The following C11orf65 variants were observed in gnomAD, a reference collection of about 807,000 sequenced individuals.
C11orf65 encodes protein MFI.
A neutral mutation model predicts 35.3 loss-of-function variants in C11orf65; 38 were observed. That is an observed-to-expected ratio of 1.08 (90% CI 0.83 to 1.41). The LOEUF (loss-of-function observed/expected upper bound fraction) is 1.41. C11orf65 is among the 40% of genes most tolerant of loss of function. The pLI, the probability that C11orf65 is intolerant of heterozygous loss-of-function variation, is 0.00. For missense variants in C11orf65, 370 were observed against 367.1 expected (o/e 1.01, Z -0.06); for synonymous variants, 105 against 114.4 (o/e 0.92, Z 0.53).
chr11:108,467,205 T>C lies in C11orf65; in HGVS notation c.-10+266A>G, dbSNP rs529536453. On this transcript the variant is annotated intron_variant, in intron 1 of 8. Transcript: ENST00000393084. ...GCGCAGTATGAGCAGTAAGGACTTG[T>C]CAACCAGCCCGACGCAACTTCACCG... Among the ~76,000 whole-genome samples, 5 of 152,108 alleles carry C rather than the reference T, an allele frequency of 3.3e-5. No individual in the cohort carries two copies. In the East Asian group the frequency reaches 9.7e-4, roughly 29 times the overall value.
chr11:108,385,661 G>A (rs1390124792), intron 8 of C11orf65, among the ~76,000 whole-genome samples: 2 of 147,850 alleles, frequency 1.4e-5, no homozygotes, highest in East Asian at 2.0e-4. Flanking sequence ...CAGCCTGGGC[G>A]ACAGAGCAAG....
chr11:108,373,219 G>A (rs900047892), intron 2 of C11orf65, among the ~76,000 whole-genome samples: 3 of 152,172 alleles, frequency 2.0e-5, no homozygotes, highest in African/African-American at 7.2e-5. Context: ...CATTATTCCA[G>A]ATTGACTCAA....
chr11:108,421,338 T>C (rs563813410), intron 3 of C11orf65, among the ~76,000 whole-genome samples: 3 of 152,222 alleles, frequency 2.0e-5, no homozygotes, highest in African/African-American at 7.2e-5. Context: ...TGCAGGTTCC[T>C]CGGGGAACTG....
At chr11:108,422,819 T>C (rs888230661) in intron 3 of C11orf65, among the ~76,000 whole-genome samples, 3 of 150,798 alleles carry the variant, frequency 2.0e-5, no homozygotes, top group Admixed American at 1.3e-4. Context: ...GAGGCGGAGG[T>C]TGCAGTGAGC....
At chr11:108,403,223 C>T (rs1184477366) in intron 6 of C11orf65, among the ~76,000 whole-genome samples, 1 of 152,136 alleles carries the variant, frequency 6.6e-6, no homozygotes. Context: ...CAACAATTGG[C>T]ATGACAGACT....
At chr11:108,348,945 A>G (rs576514784) in intron 2 of C11orf65, among the ~76,000 whole-genome samples, 1 of 152,322 alleles carries the variant, frequency 6.6e-6, no homozygotes, top group African/African-American at 2.4e-5. Context: ...ATCCCCCTGC[A>G]ACTCAGAATG....
rs370253007 is a variant in C11orf65 at position 108,357,456 on chromosome 11, A to G, written c.227-22164T>C. Among the ~76,000 whole-genome samples, 64 of 152,260 alleles carry G rather than the reference A, an allele frequency of 4.2e-4. No homozygotes were observed. The South Asian group carries it at 5.6e-3, about 13-fold the overall frequency. On this transcript the variant is annotated intron_variant, in intron 2 of 3. Transcript: ENST00000524755. The stretch of plus-strand genomic sequence containing the variant: ...GTGGAACCCACCACAGCTCAAGGAG[A>G]CCTGCCTGCCTCTGTAGGCTCCACC...
At chr11:108,346,840 G>T (rs1190450235) in intron 2 of C11orf65, among the ~76,000 whole-genome samples, 1 of 152,088 alleles carries the variant, frequency 6.6e-6, no homozygotes, top group African/African-American at 2.4e-5. Flanking sequence ...TGATTAATTT[G>T]TGTTAAATAT....
intron 2 of C11orf65, among the ~76,000 whole-genome samples, chr11:108,460,189 A>G (rs1181945019): frequency 6.6e-6 from 1 of 152,230 alleles, no homozygotes; most frequent in East Asian, 1.9e-4. Flanking sequence ...GAGGCAAATA[A>G]TGAAGCAACT....
intron 3 of C11orf65, among the ~76,000 whole-genome samples, chr11:108,334,815 C>G (rs929389325): frequency 1.3e-5 from 2 of 152,140 alleles, no homozygotes; most frequent in Non-Finnish European, 2.9e-5. Flanking sequence ...CGAGCGTGAG[C>G]CACCACACCC....
At chr11:108,349,519 C>T (rs146653112) in intron 2 of C11orf65, among the ~76,000 whole-genome samples, 1,885 of 152,176 alleles carry the variant, frequency 0.012, 49 homozygotes, top group African/African-American at 0.042. Flanking sequence ...AAAAATTAGC[C>T]GGGCGAGGTG....
rs771047560 is a variant in C11orf65 at position 108,316,118 on chromosome 11, A to G, written c.641-7047T>C. On this transcript the variant is annotated intron_variant, in intron 6 of 6. Coordinates refer to the C11orf65 transcript ENST00000525729. ...CGCCAGGCAGGAATCATTCAGGTAC[A>G]TTTTTTCCCAGATTTGGTAAAGCCA... 12 of 1,613,000 alleles carry G rather than the reference A, an allele frequency of 7.4e-6. No individual in the cohort carries two copies. In the South Asian group the frequency reaches 1.2e-4, roughly 16 times the overall value.
At chr11:108,363,121 T>G (rs2090985307) in intron 2 of C11orf65, among the ~76,000 whole-genome samples, 1 of 152,232 alleles carries the variant, frequency 6.6e-6, no homozygotes, top group Non-Finnish European at 1.5e-5. Flanking sequence ...ATTTTCCCAG[T>G]GATCTTACCA....
intron 2 of C11orf65, among the ~76,000 whole-genome samples, chr11:108,341,512 T>C (rs1189344287): frequency 2.0e-5 from 3 of 152,160 alleles, no homozygotes; most frequent in Non-Finnish European, 4.4e-5. Context: ...GTGTGTAACA[T>C]GTAATACGCC....
rs3092834 is a variant in C11orf65, at chr11:108,365,744, C to T, written c.226+27464G>A. ...TAATGGTCATTCGGGCTGGGCGCAG[C>T]GGCTCACGCCTGTAATCCCAGCACT... On this transcript the variant is annotated intron_variant, in intron 2 of 3. Transcript: ENST00000524755. 2.8e-3 allele frequency: 1,523 copies of T among 552,478 alleles called. 9 individuals are homozygous for T. Among genetic ancestry groups the T allele is most frequent in the African/African-American group, 0.017 (903 of 52,824 alleles). 34.2% of individuals were successfully genotyped at this position (552,478 alleles called of 1,614,324 possible).
At chr11:108,347,024 A>T (rs1459567162) in intron 2 of C11orf65, among the ~76,000 whole-genome samples, 1 of 152,184 alleles carries the variant, frequency 6.6e-6, no homozygotes, top group African/African-American at 2.4e-5. Flanking sequence ...AATATTTTAA[A>T]ATGTGTGCCT....
In C11orf65 at chr11:108,435,424, T is replaced by C. The variant is rs549074794; in HGVS notation, c.82-3586A>G. 7.9e-5 allele frequency among the ~76,000 whole-genome samples: 12 copies of C among 152,322 alleles called. No homozygotes were observed. The South Asian group carries it at 1.2e-3, about 16-fold the overall frequency. On this transcript the variant is annotated intron_variant, in intron 2 of 8. Transcript: ENST00000393084. The stretch of plus-strand genomic sequence containing the variant: ...ACCAGTAGAAATTAAGGAAGATGTC[T>C]AGAATTCAGGAGAACTTTTGGGGTG...
intron 6 of C11orf65, among the ~76,000 whole-genome samples, chr11:108,309,995 A>G (rs1407791046): frequency 2.0e-5 from 3 of 152,192 alleles, no homozygotes; most frequent in Non-Finnish European, 4.4e-5. Flanking sequence ...CTCTTCAGCC[A>G]TGTTATCTTA....
chr11:108,453,147 TA>T (rs1165163791), intron 2 of C11orf65, among the ~76,000 whole-genome samples: 7 of 122,326 alleles, frequency 5.7e-5, no homozygotes, highest in Non-Finnish European at 1.0e-4. Context: ...AAAGTATAAT[TA>T]AAAAAAAAAG....
Sources: gnomAD v4.1 joint callset for allele counts (sites outside exome capture counted in the v4.1 genomes callset) on GRCh38, gnomAD v4.1.1 for gene constraint, MANE v1.5 for transcripts, NCBI Gene and HGNC (gene_info 2026-07-23, HGNC 2026-07-21) for gene names.